GRM8: variants seen among roughly 807,000 people sequenced by gnomAD.
GRM8 encodes metabotropic glutamate receptor 8.
A neutral mutation model predicts 87.2 loss-of-function variants in GRM8; 47 were observed. That is an observed-to-expected ratio of 0.54 (90% confidence interval 0.43 to 0.69). GRM8 has a LOEUF of 0.69. Ranked by LOEUF, GRM8 falls within the 30% of genes least tolerant of loss-of-function variation. The probability of loss-of-function intolerance (pLI) is 0.00; values close to 1 mark genes in which losing one functional copy is unlikely to be tolerated. For synonymous variants in GRM8, 396 were observed against 404.5 expected, an observed-to-expected ratio of 0.98 and a Z score of 0.25; for missense variants, 1,019 against 1,139.2, an observed-to-expected ratio of 0.89 and a Z score of 1.52.
At chr7:126,994,469 A>G (rs1271955552) in intron 3 of GRM8, among the ~76,000 whole-genome samples, 1 of 152,116 alleles carries the variant, frequency 6.6e-6, no homozygotes, top group Non-Finnish European at 1.5e-5. Context: ...AGGCTATTGG[A>G]TGGCACTTAT....
chr7:126,552,894 T>G (rs543534619), intron 8 of GRM8, among the ~76,000 whole-genome samples: 5 of 152,254 alleles, frequency 3.3e-5, no homozygotes, highest in Admixed American at 6.5e-5. Flanking sequence ...TTAAGTCTCT[T>G]ATTTATAACT....
chr7:126,902,557 T>G lies in GRM8; in HGVS notation c.1141A>C (p.Ile381Leu), dbSNP rs553795874. The change falls in exon 6 of 11, where the codon ATA becomes CTA. Residue 381 changes from isoleucine to leucine, a missense_variant. Ile to Leu is a conservative substitution (Grantham distance 5). Coordinates refer to ENST00000339582, the MANE Select transcript of GRM8 (RefSeq NM_000845.3). ...GAGTGGTTACCTGTGCATTTCTTTA[T>G]ATGACTGTTCCTTTTCCCATGTGAT... ...LGSHGKRNSHIKKCTGLERIA... is the reference protein window; with the variant it reads ...LGSHGKRNSHLKKCTGLERIA... 1 of 1,602,900 alleles carries G rather than the reference T, an allele frequency of 6.2e-7. No individual in the cohort carries two copies. The highest frequency in any genetic ancestry group is 1.3e-5 in the African/African-American group (1 of 74,586).
intron 6 of GRM8, among the ~76,000 whole-genome samples, chr7:126,786,881 T>G (rs1820679226): frequency 6.6e-6 from 1 of 152,224 alleles, no homozygotes; most frequent in Non-Finnish European, 1.5e-5. Context: ...GTTTCTGAAC[T>G]GTATGACTGT....
chr7:126,866,299 T>C lies in GRM8; in HGVS notation c.1156+36243A>G, dbSNP rs1798582434. On this transcript the variant is annotated intron_variant, in intron 6 of 10. Coordinates refer to ENST00000339582, the MANE Select transcript of GRM8 (RefSeq NM_000845.3). ...TCTTTTATTGAGTTGTAATAGTTCT[T>C]TATATTTTAGCTACAACTGCCTTAT... 2.6e-5 allele frequency among the ~76,000 whole-genome samples: 4 copies of C among 152,182 alleles called. No homozygotes were observed. The South Asian group carries it at 8.3e-4, about 32-fold the overall frequency.
chr7:126,938,907 T>C (rs1189711686), intron 3 of GRM8, among the ~76,000 whole-genome samples: 1 of 152,138 alleles, frequency 6.6e-6, no homozygotes, highest in Non-Finnish European at 1.5e-5. Flanking sequence ...TTCTCCCAAT[T>C]ACAGGCAACC....
Position 126,769,978 on chromosome 7 carries a change from G to T in GRM8, c.1244C>A (p.Ala415Asp). 6.2e-7 allele frequency: 1 copy of T among 1,611,820 alleles called. No homozygotes were observed. The highest frequency in any genetic ancestry group is 8.5e-7 in the Non-Finnish European group (1 of 1,178,172). ...VIDAVYSMAY[A>D]LHNMHKDLCP... ...GAGATCTTTGTGCATATTGTGCAGG[G>T]CGTAAGCCATGGAATATACAGCATC... The change falls in exon 7 of 11, where the codon GCC (alanine) becomes GAC (aspartate). Residue 415 changes from alanine to aspartate, a missense_variant. Ala to Asp is a moderately radical substitution (Grantham distance 126, BLOSUM62 -2). Transcript: ENST00000339582.
intron 8 of GRM8, among the ~76,000 whole-genome samples, chr7:126,541,007 G>T (rs1408763388): frequency 6.6e-6 from 1 of 152,190 alleles, no homozygotes; most frequent in Non-Finnish European, 1.5e-5. Context: ...CTATAATGCT[G>T]TACAAAAACA....
chr7:126,649,340 A>C (rs1803531530), intron 7 of GRM8, among the ~76,000 whole-genome samples: 1 of 152,146 alleles, frequency 6.6e-6, no homozygotes, highest in South Asian at 2.1e-4. Context: ...AGCAGGCAGA[A>C]AAACATGAAA....
chr7:126,482,987 A>C (rs1300519248), intron 9 of GRM8, among the ~76,000 whole-genome samples: 1 of 151,170 alleles, frequency 6.6e-6, no homozygotes, highest in Non-Finnish European at 1.5e-5. Flanking sequence ...ACCCACACTA[A>C]GAAAAACATT....
Position 127,192,724 on chromosome 7 carries a change from A to G in GRM8, c.510+49971T>C, listed in dbSNP as rs541437682. 7.5e-4 allele frequency among the ~76,000 whole-genome samples: 115 copies of G among 152,324 alleles called. 1 individual carries two copies. The highest frequency in any genetic ancestry group is 2.7e-3 in the African/African-American group (112 of 41,574). On this transcript the variant is annotated intron_variant, in intron 2 of 10. Coordinates refer to ENST00000339582, the MANE Select transcript of GRM8 (RefSeq NM_000845.3). The stretch of plus-strand genomic sequence containing the variant: ...CTGGGCTGCCATCCTTACATTCTTC[A>G]TGTTATTAAAACAAAATGTCTAATC...
intron 3 of GRM8, among the ~76,000 whole-genome samples, chr7:127,011,181 C>T (rs368847384): frequency 6.6e-6 from 1 of 152,166 alleles, no homozygotes; most frequent in East Asian, 1.9e-4. Flanking sequence ...TACAAAATAG[C>T]ACAACCTTAA....
chr7:126,704,906 C>T (rs560339720), intron 7 of GRM8, among the ~76,000 whole-genome samples: 1 of 152,208 alleles, frequency 6.6e-6, no homozygotes, highest in South Asian at 2.1e-4. Flanking sequence ...CTCCATTTGC[C>T]TTGTGATAGT....
intron 6 of GRM8, among the ~76,000 whole-genome samples, chr7:126,900,887 C>T (rs1169950075): frequency 6.6e-6 from 1 of 152,250 alleles, no homozygotes; most frequent in Middle Eastern, 3.4e-3. Flanking sequence ...CCTCCATTTT[C>T]TCCCCTGAAC....
At chr7:127,219,185 T>G (rs1345745514) in intron 2 of GRM8, among the ~76,000 whole-genome samples, 3 of 151,964 alleles carry the variant, frequency 2.0e-5, no homozygotes, top group Non-Finnish European at 4.4e-5. Context: ...CAATCATCAT[T>G]AGTAGCAAAT....
intron 5 of GRM8, among the ~76,000 whole-genome samples, chr7:126,903,765 A>ATATGTATATGTGTATATATATATGTG (rs370153334): frequency 3.1e-5 from 3 of 95,848 alleles, no homozygotes; most frequent in East Asian, 3.4e-4. Context: ...GTATATATAT[A>ATATGTATATGTGTATATATATATGTG]TGTGTGTGTG....
intron 2 of GRM8, among the ~76,000 whole-genome samples, chr7:127,225,324 G>A (rs1379282884): frequency 6.6e-6 from 1 of 152,284 alleles, no homozygotes; most frequent in Admixed American, 6.5e-5. Context: ...CTCAAAGCCC[G>A]CAGGCTGACC....
At chr7:127,188,254 A>T (rs528073276) in intron 2 of GRM8, among the ~76,000 whole-genome samples, 1 of 152,380 alleles carries the variant, frequency 6.6e-6, no homozygotes, top group African/African-American at 2.4e-5. Flanking sequence ...CCCAAGTCAT[A>T]TAACTAGTAA....
chr7:126,810,442 T>C (rs934316876), intron 6 of GRM8, among the ~76,000 whole-genome samples: 2 of 152,188 alleles, frequency 1.3e-5, no homozygotes, highest in Admixed American at 6.5e-5. Context: ...ATGACCCGGT[T>C]GCACAGACTT....
intron 7 of GRM8, among the ~76,000 whole-genome samples, chr7:126,711,202 C>T (rs1470487626): frequency 6.6e-6 from 1 of 152,016 alleles, no homozygotes; most frequent in Non-Finnish European, 1.5e-5. Context: ...AAATATATTT[C>T]TTAAATAGTA....
Sources: gnomAD v4.1 joint callset for allele counts (sites outside exome capture counted in the v4.1 genomes callset) on GRCh38, gnomAD v4.1.1 for gene constraint, MANE v1.5 for transcripts, NCBI Gene and HGNC (gene_info 2026-07-23, HGNC 2026-07-21) for gene names.